The following SORT1 variants were observed in gnomAD, a reference collection of about 807,000 sequenced individuals.
SORT1 encodes sortilin 1, also known as sortilin.
SORT1 carries 39 observed loss-of-function variants against 101.7 expected under a neutral mutation model. That is an observed-to-expected ratio of 0.38 (90% CI 0.30 to 0.50). SORT1 has a LOEUF of 0.50. SORT1 is among the 20% of genes least tolerant of loss of function. The pLI is 0.90. For missense variants in SORT1, 878 were observed against 1,040.4 expected (o/e 0.84, Z 2.15); for synonymous variants, 396 against 393.7 (o/e 1.01, Z -0.07).
At chr1:109,353,496 T>G (rs1277599610) in intron 5 of SORT1, among the ~76,000 whole-genome samples, 1 of 152,102 alleles carries the variant, frequency 6.6e-6, no homozygotes, top group African/African-American at 2.4e-5. Flanking sequence ...TCAGCCTGAC[T>G]TGTTCACGGT....
chr1:109,393,529 C>G (rs1328687416), intron 1 of SORT1, among the ~76,000 whole-genome samples: 1 of 152,188 alleles, frequency 6.6e-6, no homozygotes, highest in Non-Finnish European at 1.5e-5. Flanking sequence ...AGCAATCCAA[C>G]TTAGTAACCA....
chr1:109,377,391 A>G (rs942011179), intron 1 of SORT1, among the ~76,000 whole-genome samples: 1 of 152,116 alleles, frequency 6.6e-6, no homozygotes, highest in African/African-American at 2.4e-5. Context: ...TTAACTCATG[A>G]TAGCTGTTTG....
chr1:109,390,664 T>C (rs990784341), intron 1 of SORT1, among the ~76,000 whole-genome samples: 13 of 152,044 alleles, frequency 8.6e-5, no homozygotes, highest in Admixed American at 8.5e-4. Flanking sequence ...AATACAAATT[T>C]TCCTTCCCAG....
At chr1:109,325,757 C>T (rs1182187459) in intron 13 of SORT1, among the ~76,000 whole-genome samples, 1 of 151,766 alleles carries the variant, frequency 6.6e-6, no homozygotes, top group African/African-American at 2.4e-5. Flanking sequence ...GGTGAATCAC[C>T]TGAGGTTAGG....
At chr1:109,381,395 A>G (rs1316895031) in intron 1 of SORT1, among the ~76,000 whole-genome samples, 1 of 152,328 alleles carries the variant, frequency 6.6e-6, no homozygotes, top group South Asian at 2.1e-4. Context: ...ACAATATATC[A>G]GGTGCTATTA....
At chr1:109,346,230 G>A (rs1264442687) in intron 7 of SORT1, among the ~76,000 whole-genome samples, 8 of 151,318 alleles carry the variant, frequency 5.3e-5, no homozygotes, top group Non-Finnish European at 8.8e-5. Flanking sequence ...GGAGAATGGC[G>A]TGAACCCGGG....
chr1:109,352,521 A>G (rs759128755), intron 5 of SORT1, among the ~76,000 whole-genome samples: 5 of 152,196 alleles, frequency 3.3e-5, no homozygotes, highest in Non-Finnish European at 5.9e-5. Context: ...CTCAGTGGAG[A>G]TGGGACAGAG....
Position 109,397,742 on chromosome 1 carries a change from A to G in SORT1, c.151T>C (p.Ser51Pro). The G allele has an allele frequency of 8.3e-7, 1 of 1,197,736 alleles. No individual in the cohort carries two copies. The highest frequency in any genetic ancestry group is 1.0e-6 in the Non-Finnish European group (1 of 966,144). The allele number at this position is 1,197,736 out of a possible 1,614,324, so 74.2% of individuals were successfully genotyped here. A position where few individuals can be genotyped will look rare whatever the true frequency, so the allele number is the denominator to read the frequency against. ...PPPAAPLPRW[S>P]GPIGVSWGLR... ...CCCCAGCTCACCCCGATGGGGCCAG[A>G]CCAGCGCGGCAGCGGCGCAGCGGGC... Residue 51 changes from serine to proline, a missense_variant, in exon 1 of 20, where the codon TCT (serine) becomes CCT (proline). Ser to Pro is a moderately conservative substitution (Grantham distance 74). This residue lies in a region of SORT1 where 194 missense variants were observed against 145.9 expected (regional missense o/e 1.33). Coordinates refer to ENST00000256637, the MANE Select transcript of SORT1 (RefSeq NM_002959.7).
chr1:109,371,732 T>C (rs557477987), intron 1 of SORT1, among the ~76,000 whole-genome samples: 2 of 152,160 alleles, frequency 1.3e-5, no homozygotes, highest in South Asian at 2.1e-4. Context: ...GAAATGGTAA[T>C]GGACCTCACT....
intron 11 of SORT1, among the ~76,000 whole-genome samples, chr1:109,334,758 A>C (rs543462804): frequency 6.6e-6 from 1 of 152,312 alleles, no homozygotes; most frequent in East Asian, 1.9e-4. Flanking sequence ...ATGTATATAT[A>C]TATCAAAACA....
intron 1 of SORT1, among the ~76,000 whole-genome samples, chr1:109,370,099 C>T (rs1220678191): frequency 6.6e-6 from 1 of 151,978 alleles, no homozygotes; most frequent in South Asian, 2.1e-4. Flanking sequence ...GAAGCAAATG[C>T]CTTTGTTTCA....
chr1:109,370,255 AT>A (rs943667959), intron 1 of SORT1, among the ~76,000 whole-genome samples: 4 of 152,166 alleles, frequency 2.6e-5, no homozygotes, highest in Non-Finnish European at 4.4e-5. Flanking sequence ...TATAATAATC[AT>A]TGTAGGTGGT....
At chr1:109,320,666 G>A (rs3853499) in intron 15 of SORT1, among the ~76,000 whole-genome samples, 147,202 of 152,320 alleles carry the variant, frequency 0.97, 71,342 homozygotes, top group Middle Eastern at 1. Context: ...TACATGAAAT[G>A]TTCTCTTCCT....
chr1:109,381,907 T>C (rs1652265541), intron 1 of SORT1, among the ~76,000 whole-genome samples: 1 of 152,036 alleles, frequency 6.6e-6, no homozygotes, highest in Non-Finnish European at 1.5e-5. Context: ...CCCTTTAAAA[T>C]ATCAATAGCA....
chr1:109,359,409 C>T (rs1650566155), intron 3 of SORT1, among the ~76,000 whole-genome samples: 1 of 152,164 alleles, frequency 6.6e-6, no homozygotes, highest in Admixed American at 6.5e-5. Flanking sequence ...GACACCCCCA[C>T]CCTGCCCCTC....
rs897034513 is a variant in SORT1, at chr1:109,340,890, C to A, written c.1109-11G>T. 1.9e-6 allele frequency: 3 copies of A among 1,597,388 alleles called. No homozygotes were observed. The highest frequency in any genetic ancestry group is 2.7e-5 in the African/African-American group (2 of 74,398). On this transcript the variant is annotated splice_polypyrimidine_tract_variant and intron_variant, in intron 9 of 19. Transcript: ENST00000256637. ...TGCCAAACCCAGTGTCTGAAATAGGCAAACAAACAAAAATACTAAGTCTTG... is the reference window on the plus strand; with the variant it reads ...TGCCAAACCCAGTGTCTGAAATAGGAAAACAAACAAAAATACTAAGTCTTG...
At chr1:109,385,076 TCAA>T (rs376913149) in intron 1 of SORT1, among the ~76,000 whole-genome samples, 162 of 152,012 alleles carry the variant, frequency 1.1e-3, no homozygotes, top group Middle Eastern at 0.01. Flanking sequence ...AGACTCTGTC[TCAA>T]CAACAACAAC....
At chr1:109,384,405 A>T (rs746094970) in intron 1 of SORT1, among the ~76,000 whole-genome samples, 16 of 152,252 alleles carry the variant, frequency 1.1e-4, no homozygotes, top group Non-Finnish European at 1.6e-4. Flanking sequence ...GTAGAGACAG[A>T]CAGGGACAAC....
chr1:109,328,660 G>T (rs1297235576), intron 11 of SORT1, among the ~76,000 whole-genome samples: 1 of 152,062 alleles, frequency 6.6e-6, no homozygotes, highest in Non-Finnish European at 1.5e-5. Context: ...TTTCCTCATG[G>T]GTAACCTGTC....
Sources: gnomAD v4.1 joint callset for allele counts (sites outside exome capture counted in the v4.1 genomes callset) on GRCh38, gnomAD v4.1.1 for gene constraint, gnomAD v4.1.1 regional missense constraint, MANE v1.5 for transcripts, NCBI Gene and HGNC (gene_info 2026-07-23, HGNC 2026-07-21) for gene names.